Variants in PIBF1 observed in about 807,000 individuals in gnomAD.
PIBF1 encodes the protein progesterone immunomodulatory binding factor 1.
A neutral mutation model predicts 112.5 loss-of-function variants in PIBF1; 90 were observed. The observed-to-expected ratio is 0.80, with a 90% CI of 0.67 to 0.95. The LOEUF (loss-of-function observed/expected upper bound fraction) is 0.95. Among genes scored for constraint, PIBF1 ranks in the 40% least tolerant of loss-of-function variants. The pLI, the probability that PIBF1 is intolerant of heterozygous loss-of-function variation, is 0.00. For synonymous variants in PIBF1, 301 were observed against 288.6 expected (o/e 1.04, Z -0.44); for missense variants, 915 against 852.3 (o/e 1.07, Z -0.92).
intron 12 of PIBF1, among the ~76,000 whole-genome samples, chr13:72,910,470 G>A (rs1354484886): frequency 6.6e-6 from 1 of 152,018 alleles, no homozygotes; most frequent in Non-Finnish European, 1.5e-5. Context: ...AAACAAATTA[G>A]GAATAGAAGG....
At chr13:72,905,842 T>C (rs2040684813) in intron 11 of PIBF1, among the ~76,000 whole-genome samples, 2 of 152,170 alleles carry the variant, frequency 1.3e-5, no homozygotes, top group Non-Finnish European at 2.9e-5. Flanking sequence ...AACACCTTTC[T>C]AAAAAATGTT....
intron 14 of PIBF1, among the ~76,000 whole-genome samples, chr13:72,953,061 A>G (rs956419950): frequency 2.0e-5 from 3 of 152,080 alleles, no homozygotes; most frequent in South Asian, 2.1e-4. Flanking sequence ...GGGAAGGTGT[A>G]TGAAATGCAC....
At chr13:72,916,414 A>ATATTTT (rs367708260) in intron 12 of PIBF1, among the ~76,000 whole-genome samples, 2,083 of 149,004 alleles carry the variant, frequency 0.014, 69 homozygotes, top group African/African-American at 0.047. Context: ...ATATATATAT[A>ATATTTT]TTTTTTTAAT....
intron 17 of PIBF1, among the ~76,000 whole-genome samples, chr13:73,003,188 G>A (rs995649505): frequency 6.6e-6 from 1 of 151,846 alleles, no homozygotes; most frequent in African/African-American, 2.4e-5. Context: ...TACATAAGTG[G>A]TTATATGAAC....
intron 3 of PIBF1, among the ~76,000 whole-genome samples, chr13:72,793,674 C>G (rs967948403): frequency 6.6e-6 from 1 of 152,062 alleles, no homozygotes; most frequent in Non-Finnish European, 1.5e-5. Flanking sequence ...AGCTGATGGT[C>G]ATAAAAAATG....
chr13:72,985,153 A>G (rs1258029502), intron 16 of PIBF1, among the ~76,000 whole-genome samples: 2 of 152,094 alleles, frequency 1.3e-5, no homozygotes, highest in Admixed American at 6.6e-5. Flanking sequence ...AAACCAAACA[A>G]TTCTGAGACA....
rs80263102 is a variant in PIBF1 at position 72,864,528 on chromosome 13, G to C, written c.1322+10373G>C. On this transcript the variant is annotated intron_variant, in intron 10 of 17. Transcript: ENST00000326291. ...GTGAACTGAAAACCAGAGAAAGTAA[G>C]AGTGAGTTGTGTGTGTGCGCATGTG... 7.0e-3 allele frequency among the ~76,000 whole-genome samples: 1,063 copies of C among 152,204 alleles called. 15 individuals carry two copies. The highest frequency in any genetic ancestry group is 0.025 in the African/African-American group (1,024 of 41,546).
At chr13:72,926,153 T>C (rs1225594563) in intron 13 of PIBF1, among the ~76,000 whole-genome samples, 1 of 152,208 alleles carries the variant, frequency 6.6e-6, no homozygotes, top group African/African-American at 2.4e-5. Flanking sequence ...CTAGAAAATT[T>C]TAAATTGCAT....
intron 10 of PIBF1, among the ~76,000 whole-genome samples, chr13:72,870,804 A>G (rs2039128329): frequency 6.6e-6 from 1 of 151,520 alleles, no homozygotes; most frequent in Non-Finnish European, 1.5e-5. Flanking sequence ...GTAAACCTAA[A>G]TATAGAAGAA....
chr13:72,924,182 T>G (rs770592461), intron 13 of PIBF1, among the ~76,000 whole-genome samples: 8 of 152,096 alleles, frequency 5.3e-5, no homozygotes, highest in Non-Finnish European at 8.8e-5. Flanking sequence ...ATATGCCCAC[T>G]TAAAGTTTTA....
rs1442175728 is a variant in PIBF1 at position 72,821,879 on chromosome 13, G to A, written c.703G>A (p.Glu235Lys). 1.2e-6 allele frequency: 2 copies of A among 1,612,604 alleles called. No homozygotes were observed. The highest frequency in any genetic ancestry group is 1.7e-6 in the Non-Finnish European group (2 of 1,179,152). ...TGAGGAAGATCGAAAAAACTACTCTGAAGTTCAAATTAGATGTCAACGTTT... is the reference window on the plus strand; with the variant it reads ...TGAGGAAGATCGAAAAAACTACTCTAAAGTTCAAATTAGATGTCAACGTTT... ...TYEEDRKNYS[E>K]VQIRCQRLAL... Residue 235 changes from glutamate (E) to lysine (K), a missense_variant, in exon 6 of 18, where the codon GAA (glutamate) becomes AAA (lysine). Transcript: ENST00000326291.
chr13:72,926,074 T>C (rs2138735766), intron 13 of PIBF1, among the ~76,000 whole-genome samples: 1 of 152,320 alleles, frequency 6.6e-6, no homozygotes, highest in South Asian at 2.1e-4. Context: ...TTTAGGTCTT[T>C]GATCCATTCT....
chr13:73,013,823 A>G lies in PIBF1; in HGVS notation c.2224-2046A>G, dbSNP rs1317915112. 3.3e-5 allele frequency among the ~76,000 whole-genome samples: 5 copies of G among 152,212 alleles called. No individual in the cohort carries two copies. In the East Asian group the frequency reaches 9.6e-4, roughly 29 times the overall value. On this transcript the variant is annotated intron_variant, in intron 17 of 17. Coordinates refer to ENST00000326291, the MANE Select transcript of PIBF1 (RefSeq NM_006346.4). The stretch of plus-strand genomic sequence containing the variant: ...TACCTATAGAGAAGCAAAGGTAAGG[A>G]TTACATCTGACTTCTCAGAAACAAT...
At chr13:72,984,440 T>G (rs2043226367) in intron 16 of PIBF1, among the ~76,000 whole-genome samples, 1 of 152,174 alleles carries the variant, frequency 6.6e-6, no homozygotes. Context: ...GGAATTAGGC[T>G]TTTTACCCAA....
intron 11 of PIBF1, among the ~76,000 whole-genome samples, chr13:72,903,061 A>G (rs1001062163): frequency 6.6e-6 from 1 of 151,836 alleles, no homozygotes; most frequent in Non-Finnish European, 1.5e-5. Flanking sequence ...ACGCCCAGCT[A>G]ATGTTTTTAT....
chr13:72,982,974 GCACAGCAAC>G (rs2043189440), intron 16 of PIBF1, among the ~76,000 whole-genome samples: 1 of 152,164 alleles, frequency 6.6e-6, no homozygotes, highest in African/African-American at 2.4e-5. Flanking sequence ...GTAGTTGTAG[GCACAGCAAC>G]CTCTATGGTT....
At chr13:72,946,565 G>A (rs750560914) in intron 14 of PIBF1, among the ~76,000 whole-genome samples, 1 of 152,158 alleles carries the variant, frequency 6.6e-6, no homozygotes, top group African/African-American at 2.4e-5. Context: ...TCTTATCTGA[G>A]ACAAGGCAAG....
intron 11 of PIBF1, among the ~76,000 whole-genome samples, chr13:72,903,590 TTTAG>T (rs2040582180): frequency 6.6e-6 from 1 of 152,222 alleles, no homozygotes; most frequent in Non-Finnish European, 1.5e-5. Flanking sequence ...ACCAAGCTTC[TTTAG>T]TTAATCTTAA....
chr13:73,001,110 G>A (rs2043851511), intron 17 of PIBF1, among the ~76,000 whole-genome samples: 1 of 151,970 alleles, frequency 6.6e-6, no homozygotes, highest in South Asian at 2.1e-4. Context: ...GATAACCTGG[G>A]GCAAATCATT....
Sources: allele counts gnomAD v4.1 joint callset (sites outside exome capture counted in the v4.1 genomes callset), GRCh38; gene constraint gnomAD v4.1.1; transcripts MANE v1.5; gene names NCBI Gene and HGNC (gene_info 2026-07-23, HGNC 2026-07-21).